Variants in DACH2 observed in about 807,000 individuals in gnomAD.
DACH2 encodes dachshund family transcription factor 2.
In DACH2, 17 loss-of-function variants were observed where a neutral mutation model predicts 35.8. That is an observed-to-expected ratio of 0.48 (90% CI 0.33 to 0.71). The LOEUF is 0.71. DACH2 is among the 30% of genes least tolerant of loss of function. The pLI, the probability that DACH2 is intolerant of heterozygous loss-of-function variation, is 0.02. For missense variants in DACH2, 469 were observed against 472.7 expected (o/e 0.99, Z 0.07); for synonymous variants, 195 against 177.3 (o/e 1.10, Z -0.79).
chrX:86,369,946 A>G lies in DACH2; in HGVS notation c.489-6878A>G, dbSNP rs1202552415. On this transcript the variant is annotated intron_variant, in intron 1 of 11. Transcript: ENST00000373125. ...CATTCTCAAAATATGTTTTATAAAA[A>G]TAACCTTAAAGACTGTACAGTGATG... Among the ~76,000 whole-genome samples the G allele has an allele frequency of 2.7e-5, 3 of 111,584 alleles. No homozygotes were observed. In the East Asian group the frequency reaches 8.6e-4, roughly 32 times the overall value.
At chrX:86,159,667 G>A (rs371118579) in intron 1 of DACH2, among the ~76,000 whole-genome samples, 1 of 111,813 alleles carries the variant, frequency 8.9e-6, no homozygotes, top group East Asian at 2.8e-4. Context: ...CTCCTTATCA[G>A]GGGAAGTGGT....
At chrX:86,238,910 T>A (rs2033110360) in intron 1 of DACH2, among the ~76,000 whole-genome samples, 1 of 111,445 alleles carries the variant, frequency 9.0e-6, no homozygotes, top group African/African-American at 3.3e-5. Flanking sequence ...CAAATGTAAA[T>A]CATGATAAGA....
At chrX:86,414,881 C>T (rs73631934) in intron 2 of DACH2, among the ~76,000 whole-genome samples, 10,044 of 111,276 alleles carry the variant, frequency 0.09, 1,137 homozygotes, top group African/African-American at 0.31. Flanking sequence ...GAACCACTCA[C>T]GGTACCAAAA....
At chrX:86,466,977 G>A (rs1285967722) in intron 2 of DACH2, among the ~76,000 whole-genome samples, 1 of 111,827 alleles carries the variant, frequency 8.9e-6, no homozygotes. Flanking sequence ...GCCTGTGATG[G>A]GAGGCACTGC....
At chrX:86,593,398 T>TTTTA (rs2039672393) in intron 3 of DACH2, among the ~76,000 whole-genome samples, 20 of 91,448 alleles carry the variant, frequency 2.2e-4, no homozygotes, top group African/African-American at 1.0e-3. Flanking sequence ...TATATATATT[T>TTTTA]TTTTATTTTA....
chrX:86,395,629 C>A (rs1195320882), intron 2 of DACH2, among the ~76,000 whole-genome samples: 2 of 110,787 alleles, frequency 1.8e-5, no homozygotes, highest in East Asian at 5.7e-4. Flanking sequence ...TGAGTGAGAA[C>A]ATGCGGTGTT....
intron 2 of DACH2, among the ~76,000 whole-genome samples, chrX:86,442,355 TTGTGTGTGTGTGTGTG>T (rs780963312): frequency 1.1e-4 from 8 of 71,337 alleles, no homozygotes; most frequent in African/African-American, 4.4e-4. Flanking sequence ...AAGTAGTATT[TTGTGTGTGTGTGTGTG>T]TGTGTGTGTG....
In DACH2 at chrX:86,281,661, C is replaced by A. The variant is rs762875583; in HGVS notation, c.489-95163C>A. Reference sequence around the variant, plus strand: ...GGAAGATCCGGCCAGGGCAATCAGGCAAGAGAAAGAAATAAAGGGTATTCA... The same window carrying A: ...GGAAGATCCGGCCAGGGCAATCAGGAAAGAGAAAGAAATAAAGGGTATTCA... On this transcript the variant is annotated intron_variant, in intron 1 of 11. Transcript: ENST00000373125. Among the ~76,000 whole-genome samples the A allele has an allele frequency of 3.7e-3, 414 of 111,317 alleles. 2 individuals are homozygous for A. The highest frequency in any genetic ancestry group is 4.5e-3 in the Non-Finnish European group (241 of 53,086).
chrX:86,234,474 A>G (rs1251182720), intron 1 of DACH2, among the ~76,000 whole-genome samples: 1 of 111,598 alleles, frequency 9.0e-6, no homozygotes, highest in Non-Finnish European at 1.9e-5. Flanking sequence ...TAGGACAGTT[A>G]TAGATTTTCA....
chrX:86,421,754 A>T (rs1387828222), intron 2 of DACH2, among the ~76,000 whole-genome samples: 1 of 111,375 alleles, frequency 9.0e-6, no homozygotes, highest in South Asian at 3.7e-4. Context: ...AAAAATGATT[A>T]TATTGTTGGA....
At chrX:86,193,437 G>A (rs1255314258) in intron 1 of DACH2, among the ~76,000 whole-genome samples, 1 of 111,610 alleles carries the variant, frequency 9.0e-6, no homozygotes, top group Non-Finnish European at 1.9e-5. Flanking sequence ...TGAACTGTAG[G>A]CTCAAATATC....
Position 86,321,202 on chromosome X carries a change from C to A in DACH2, c.489-55622C>A, listed in dbSNP as rs779237593. 5.1e-4 allele frequency among the ~76,000 whole-genome samples: 57 copies of A among 111,322 alleles called. 1 individual carries two copies. The highest frequency in any genetic ancestry group is 9.4e-4 in the Non-Finnish European group (50 of 53,086). ...TGCCTTCCTGAGACCTCCTTGGTCCCAACCAAACTAATATTGTTATTATTA... is the reference window on the plus strand; with the variant it reads ...TGCCTTCCTGAGACCTCCTTGGTCCAAACCAAACTAATATTGTTATTATTA... On this transcript the variant is annotated intron_variant, in intron 1 of 11. Coordinates refer to ENST00000373125, the MANE Select transcript of DACH2 (RefSeq NM_053281.3).
intron 3 of DACH2, among the ~76,000 whole-genome samples, chrX:86,592,963 C>A (rs1457333250): frequency 9.0e-6 from 1 of 111,571 alleles, no homozygotes; most frequent in African/African-American, 3.3e-5. Context: ...ACAAACAAAG[C>A]CAGTTTTATT....
chrX:86,295,436 G>T (rs1433998562), intron 1 of DACH2, among the ~76,000 whole-genome samples: 1 of 111,737 alleles, frequency 8.9e-6, no homozygotes, highest in Non-Finnish European at 1.9e-5. Context: ...CTCTAAGCAG[G>T]TTTCATACCC....
intron 1 of DACH2, among the ~76,000 whole-genome samples, chrX:86,318,564 A>G (rs1008534609): frequency 1.8e-5 from 2 of 111,747 alleles, no homozygotes; most frequent in African/African-American, 6.5e-5. Context: ...TGTGATTAAT[A>G]GCACATATTT....
intron 2 of DACH2, among the ~76,000 whole-genome samples, chrX:86,491,398 T>C (rs1033793846): frequency 8.9e-6 from 1 of 112,114 alleles, no homozygotes; most frequent in Non-Finnish European, 1.9e-5. Context: ...TCTAATTTTA[T>C]TCAACAAAAT....
At chrX:86,469,375 G>A (rs931395233) in intron 2 of DACH2, among the ~76,000 whole-genome samples, 2 of 111,135 alleles carry the variant, frequency 1.8e-5, no homozygotes, top group African/African-American at 6.5e-5. Flanking sequence ...AAAAGGATGT[G>A]AGGTGATACA....
chrX:86,592,042 A>AT (rs774091490), intron 3 of DACH2, among the ~76,000 whole-genome samples: 79 of 110,019 alleles, frequency 7.2e-4, no homozygotes, highest in Non-Finnish European at 8.9e-4. Context: ...CTAAACTATG[A>AT]TTTTTTTTTA....
chrX:86,800,504 C>A (rs1191637973), intron 7 of DACH2, among the ~76,000 whole-genome samples: 2 of 111,349 alleles, frequency 1.8e-5, no homozygotes, highest in Non-Finnish European at 3.8e-5. Context: ...AAAAGAGTGT[C>A]CATAAGATGG....
Sources: allele counts gnomAD v4.1 joint callset (sites outside exome capture counted in the v4.1 genomes callset), GRCh38; gene constraint gnomAD v4.1.1; transcripts MANE v1.5; gene names NCBI Gene and HGNC (gene_info 2026-07-23, HGNC 2026-07-21).